The following XPR1 variants were observed in gnomAD, a reference collection of about 807,000 sequenced individuals.
The protein encoded by XPR1 is solute carrier family 53 member 1.
A neutral mutation model predicts 87.5 loss-of-function variants in XPR1; 28 were observed. That is an observed-to-expected ratio of 0.32 (90% CI 0.24 to 0.44). The LOEUF (loss-of-function observed/expected upper bound fraction) is 0.44, where lower values mean the gene tolerates loss of function less well. Among genes scored for constraint, XPR1 ranks in the 20% least tolerant of loss-of-function variants. XPR1 has a pLI of 1.00. For synonymous variants in XPR1, 300 were observed against 306.1 expected (o/e 0.98, Z 0.21); for missense variants, 559 against 862.3 (o/e 0.65, Z 4.41).
At chr1:180,680,628 G>T (rs1656544010) in intron 1 of XPR1, among the ~76,000 whole-genome samples, 1 of 152,086 alleles carries the variant, frequency 6.6e-6, no homozygotes, top group South Asian at 2.1e-4. Flanking sequence ...CTCCCAAAGT[G>T]CTGGGATTGC....
intron 2 of XPR1, among the ~76,000 whole-genome samples, chr1:180,706,664 T>A (rs575208611): frequency 6.6e-6 from 1 of 151,744 alleles, no homozygotes; most frequent in Non-Finnish European, 1.5e-5. Context: ...CAGGCTGGAG[T>A]GCAGTGGCAT....
At chr1:180,760,081 G>A (rs929338007) in intron 2 of XPR1, among the ~76,000 whole-genome samples, 3 of 152,118 alleles carry the variant, frequency 2.0e-5, no homozygotes, top group East Asian at 1.9e-4. Flanking sequence ...TGCTAAAAAC[G>A]CTCAATAAAG....
chr1:180,787,569 G>T (rs1215706109), intron 2 of XPR1, among the ~76,000 whole-genome samples, 184 bp from the exon 3 acceptor site: 2 of 152,128 alleles, frequency 1.3e-5, no homozygotes, highest in African/African-American at 2.4e-5. Context: ...ATGAGCCATC[G>T]CACTCGGCCT....
chr1:180,679,556 A>G (rs1300030962), intron 1 of XPR1, among the ~76,000 whole-genome samples: 1 of 152,198 alleles, frequency 6.6e-6, no homozygotes, highest in Non-Finnish European at 1.5e-5. Context: ...GAAGCTATGG[A>G]TATCCTCATC....
At chr1:180,666,199 G>C (rs1264558441) in intron 1 of XPR1, among the ~76,000 whole-genome samples, 1 of 152,180 alleles carries the variant, frequency 6.6e-6, no homozygotes, top group Non-Finnish European at 1.5e-5. Flanking sequence ...TAGCTTTGTA[G>C]TAAGTTTGGA....
chr1:180,647,959 G>T (rs1203075239), intron 1 of XPR1, among the ~76,000 whole-genome samples: 1 of 150,198 alleles, frequency 6.7e-6, no homozygotes, highest in African/African-American at 2.5e-5. Flanking sequence ...TCTTTCTGCA[G>T]TGTAGGTGTT....
chr1:180,876,175 G>A (rs991549130), intron 13 of XPR1, among the ~76,000 whole-genome samples: 5 of 152,140 alleles, frequency 3.3e-5, no homozygotes, highest in Non-Finnish European at 7.4e-5. Flanking sequence ...TCTGCAGCCA[G>A]CATAACTTTG....
intron 13 of XPR1, among the ~76,000 whole-genome samples, chr1:180,878,496 T>C (rs1323984834): frequency 6.6e-6 from 1 of 152,174 alleles, no homozygotes; most frequent in Non-Finnish European, 1.5e-5. Flanking sequence ...GTGCCTACTA[T>C]GTAGCTGACA....
chr1:180,844,907 A>G (rs1233214793), intron 11 of XPR1, among the ~76,000 whole-genome samples: 1 of 152,222 alleles, frequency 6.6e-6, no homozygotes, highest in Non-Finnish European at 1.5e-5. Flanking sequence ...TGCTAGGCCA[A>G]AGCAAGTCAC....
chr1:180,852,120 T>TAATA (rs940279547), intron 11 of XPR1, among the ~76,000 whole-genome samples: 2 of 151,962 alleles, frequency 1.3e-5, no homozygotes, highest in Non-Finnish European at 2.9e-5. Context: ...AATACTATAT[T>TAATA]ATCAGTATTG....
chr1:180,699,050 C>G (rs959184313), intron 2 of XPR1, among the ~76,000 whole-genome samples: 1 of 152,126 alleles, frequency 6.6e-6, no homozygotes, highest in African/African-American at 2.4e-5. Flanking sequence ...ATAACCAAAT[C>G]TCTTGCAAGT....
At chr1:180,860,367 A>C (rs1301861793) in intron 11 of XPR1, among the ~76,000 whole-genome samples, 2 of 152,166 alleles carry the variant, frequency 1.3e-5, no homozygotes, top group Non-Finnish European at 2.9e-5. Flanking sequence ...TATCCAAGGG[A>C]AATGAAAACA....
intron 2 of XPR1, among the ~76,000 whole-genome samples, chr1:180,760,973 C>A (rs1476850220): frequency 2.0e-5 from 3 of 152,082 alleles, no homozygotes; most frequent in Non-Finnish European, 4.4e-5. Flanking sequence ...ATATCTACAA[C>A]CATCTGATCT....
At chr1:180,711,441 G>A (rs1201547371) in intron 2 of XPR1, among the ~76,000 whole-genome samples, 2 of 152,176 alleles carry the variant, frequency 1.3e-5, no homozygotes, top group African/African-American at 4.8e-5. Context: ...GCGAAACCCC[G>A]TCTCCACCAA....
At chr1:180,667,704 C>T (rs975727885) in intron 1 of XPR1, among the ~76,000 whole-genome samples, 1 of 152,080 alleles carries the variant, frequency 6.6e-6, no homozygotes, top group Non-Finnish European at 1.5e-5. Flanking sequence ...GTAGAATTCA[C>T]CAAAGAGCCA....
At chr1:180,690,508 G>C (rs746095795) in intron 2 of XPR1, among the ~76,000 whole-genome samples, 55 of 151,900 alleles carry the variant, frequency 3.6e-4, no homozygotes, top group Non-Finnish European at 5.6e-4. Flanking sequence ...TAAATAATCT[G>C]GTCTTAAATC....
intron 2 of XPR1, among the ~76,000 whole-genome samples, chr1:180,727,720 G>C (rs148815278): frequency 0.017 from 2,659 of 152,270 alleles, 43 homozygotes; most frequent in Middle Eastern, 0.031. Context: ...ATAGACAAGA[G>C]CATACTCAAG....
chr1:180,819,359 G>A (rs941956515), intron 7 of XPR1, among the ~76,000 whole-genome samples: 2 of 152,186 alleles, frequency 1.3e-5, no homozygotes, highest in African/African-American at 4.8e-5. Flanking sequence ...GGTCCTTGGG[G>A]TTTTTGTTGT....
chr1:180,874,020 T>G lies in XPR1; in HGVS notation c.1808+78T>G. ...CCCAATACTTACAAATTAGAATTTA[T>G]TATAACTTGTACTTGAAAACCTTTA... On this transcript the variant is annotated intron_variant, in intron 13 of 14. Transcript: ENST00000367590. 3 of 1,417,974 alleles carry G rather than the reference T, an allele frequency of 2.1e-6. No homozygotes were observed. The South Asian group carries it at 4.3e-5, about 20-fold the overall frequency. The allele number at this position is 1,417,974 out of a possible 1,614,324, so 87.8% of individuals were successfully genotyped here.
Sources: allele counts gnomAD v4.1 joint callset (sites outside exome capture counted in the v4.1 genomes callset), GRCh38; gene constraint gnomAD v4.1.1; transcripts MANE v1.5; gene names NCBI Gene and HGNC (gene_info 2026-07-23, HGNC 2026-07-21).